Variants in MAP3K9 observed in about 807,000 individuals in gnomAD.
The protein encoded by MAP3K9 is mixed lineage kinase 1 (tyr and ser/thr specificity).
MAP3K9 carries 46 observed loss-of-function variants against 95.8 expected under a neutral mutation model. The ratio of observed to expected loss-of-function variants is 0.48; its 90% confidence interval spans 0.38 to 0.61. MAP3K9 has a LOEUF of 0.61. Among genes scored for constraint, MAP3K9 ranks in the 20% least tolerant of loss-of-function variants. The pLI, the probability that MAP3K9 is intolerant of heterozygous loss-of-function variation, is 0.00. For synonymous variants in MAP3K9, 533 were observed against 593.8 expected (o/e 0.90, Z 1.49); for missense variants, 1,296 against 1,474.3 (o/e 0.88, Z 1.98).
chr14:70,761,423 ATC>A (rs2054373468), intron 2 of MAP3K9, among the ~76,000 whole-genome samples: 1 of 152,218 alleles, frequency 6.6e-6, no homozygotes, highest in Non-Finnish European at 1.5e-5. Context: ...TACTATTGCC[ATC>A]TCAGTTTTAC....
chr14:70,733,243 C>A lies in MAP3K9; in HGVS notation c.2126G>T (p.Gly709Val), dbSNP rs1037286156. Residue 709 changes from glycine to valine, a missense_variant, in exon 11 of 12, where the codon GGC (glycine) becomes GTC (valine). By Grantham distance (109) the Gly-to-Val change is moderately radical (BLOSUM62 -3). Transcript: ENST00000554752. Reference sequence around the variant, plus strand: ...GATTCCATCACTGGAGGGGCCATCGCCATCCTCTCCACGAGGGAATGGGAT... The same window carrying A: ...GATTCCATCACTGGAGGGGCCATCGACATCCTCTCCACGAGGGAATGGGAT... ...LCIPFPRGED[G>V]DGPSSDGIHE... 3.7e-6 allele frequency: 6 copies of A among 1,612,526 alleles called. No individual in the cohort carries two copies. In the African/African-American group the frequency reaches 8.0e-5, roughly 22 times the overall value.
chr14:70,794,088 C>T lies in MAP3K9; in HGVS notation c.820+6579G>A, dbSNP rs746829606. On this transcript the variant is annotated intron_variant, in intron 2 of 11. Coordinates refer to ENST00000554752, the MANE Select transcript of MAP3K9 (RefSeq NM_001284230.2). ...GGTTTGAACTGAGCACAGAAAACTGCGGAAGGGTTGGACAGGCAGAGAGAT... is the reference window on the plus strand; with the variant it reads ...GGTTTGAACTGAGCACAGAAAACTGTGGAAGGGTTGGACAGGCAGAGAGAT... 6.2e-4 allele frequency among the ~76,000 whole-genome samples: 94 copies of T among 152,118 alleles called. 1 individual carries two copies. The highest frequency in any genetic ancestry group is 2.0e-4 in the Admixed American group (3 of 15,268).
At chr14:70,733,690 G>T in intron 10 of MAP3K9, 1 of 717,314 alleles carries the variant, frequency 1.4e-6, no homozygotes, top group Non-Finnish European at 2.6e-6. Context: ...GTTGCTGGGT[G>T]TGTCTGTGAG....
chr14:70,738,941 G>C (rs2054025444), intron 7 of MAP3K9, among the ~76,000 whole-genome samples: 1 of 152,202 alleles, frequency 6.6e-6, no homozygotes, highest in Non-Finnish European at 1.5e-5. Context: ...AGCAAGGGTT[G>C]AGACCCAAAT....
In MAP3K9 at chr14:70,808,779, G is replaced by T; in HGVS notation, c.393C>A (p.Tyr131Ter). The change falls in exon 1 of 12, where the codon TAC (tyrosine) becomes TAA (stop). Residue 131 changes from tyrosine (Y) to a stop codon, truncating the protein, a stop_gained. Coordinates refer to ENST00000554752, the MANE Select transcript of MAP3K9 (RefSeq NM_001284230.2). LOFTEE classifies it high-confidence loss of function. ...CQPGGEDPSC[Y>*]PPIQLLEIDF... ...CCTTCGCCTTACACTGAATGGGCGG[G>T]TAGCAACTGGGGTCCTCGCCGCCGG... The T allele has an allele frequency of 6.3e-7, 1 of 1,575,870 alleles. No individual in the cohort carries two copies. Among genetic ancestry groups the T allele is most frequent in the African/African-American group, 1.4e-5 (1 of 73,306 alleles).
chr14:70,790,848 G>T (rs934091876), intron 2 of MAP3K9, among the ~76,000 whole-genome samples: 7 of 152,298 alleles, frequency 4.6e-5, no homozygotes, highest in African/African-American at 1.7e-4. Context: ...TCACTGCTTT[G>T]TGTGCCATCC....
At chr14:70,735,230 C>T (rs562134811) in intron 9 of MAP3K9, among the ~76,000 whole-genome samples, 1 of 152,202 alleles carries the variant, frequency 6.6e-6, no homozygotes, top group East Asian at 1.9e-4. Flanking sequence ...GGGCACCCTG[C>T]CAACCACTTT....
chr14:70,777,307 C>G (rs955383945), intron 2 of MAP3K9, among the ~76,000 whole-genome samples: 1 of 152,128 alleles, frequency 6.6e-6, no homozygotes, highest in African/African-American at 2.4e-5. Flanking sequence ...GACTCATCCC[C>G]AGAGCAGCAG....
chr14:70,783,401 T>C (rs1351233915), intron 2 of MAP3K9: 6 of 985,318 alleles, frequency 6.1e-6, no homozygotes, highest in South Asian at 4.7e-5. Flanking sequence ...ACTGTCCTTA[T>C]AGAAAGAAGC....
At position 70,809,162 on chromosome 14, in the gene MAP3K9, A is replaced by G; in HGVS notation, c.10T>C (p.Ser4Pro). 7.4e-7 allele frequency: 1 copy of G among 1,357,736 alleles called. No individual in the cohort carries two copies. The highest frequency in any genetic ancestry group is 9.4e-7 in the Non-Finnish European group (1 of 1,063,560). 84.1% of individuals were successfully genotyped at this position (1,357,736 alleles called of 1,614,324 possible). A position where few individuals can be genotyped will look rare whatever the true frequency, so the allele number is the denominator to read the frequency against. MEP[S>P]RALLGCLASA... ...GCTAGGCAGCCGAGAAGCGCTCTGGAGGGCTCCATGGAGCGGCCGATCCAT... is the reference window on the plus strand; with the variant it reads ...GCTAGGCAGCCGAGAAGCGCTCTGGGGGGCTCCATGGAGCGGCCGATCCAT... Residue 4 changes from serine to proline, a missense_variant, in exon 1 of 12, where the codon TCC becomes CCC. By Grantham distance (74) the Ser-to-Pro change is moderately conservative. Around this residue, in one of 5 missense-constraint regions of MAP3K9, gnomAD observed 338 missense variants for 363.4 expected, o/e 0.93. Coordinates refer to ENST00000554752, the MANE Select transcript of MAP3K9 (RefSeq NM_001284230.2).
At chr14:70,785,591 G>C (rs2054736561) in intron 2 of MAP3K9, among the ~76,000 whole-genome samples, 1 of 152,178 alleles carries the variant, frequency 6.6e-6, no homozygotes. Flanking sequence ...AGATGACATA[G>C]GCGAGGTGAC....
chr14:70,750,419 C>G (rs1394100918), intron 3 of MAP3K9, among the ~76,000 whole-genome samples: 1 of 152,198 alleles, frequency 6.6e-6, no homozygotes, highest in Non-Finnish European at 1.5e-5. Context: ...ATTAAATGAG[C>G]TACTATAGTG....
intron 3 of MAP3K9, among the ~76,000 whole-genome samples, chr14:70,758,921 C>T (rs1300896796): frequency 6.6e-6 from 1 of 152,086 alleles, no homozygotes; most frequent in Non-Finnish European, 1.5e-5. Flanking sequence ...CGCCACCACG[C>T]CTAGCTAATT....
chr14:70,772,340 G>A (rs1228650407), intron 2 of MAP3K9, among the ~76,000 whole-genome samples: 1 of 152,184 alleles, frequency 6.6e-6, no homozygotes, highest in African/African-American at 2.4e-5. Flanking sequence ...TGGTATAAAA[G>A]AGGAAACCAA....
At chr14:70,758,433 C>G (rs1420359517) in intron 3 of MAP3K9, among the ~76,000 whole-genome samples, 1 of 152,058 alleles carries the variant, frequency 6.6e-6, no homozygotes, top group East Asian at 1.9e-4. Context: ...TTGGAACATT[C>G]ATACATTGCT....
rs1320029926 is a variant in MAP3K9 at position 70,809,306 on chromosome 14, G to A, written c.-135C>T. 1 of 1,134,680 alleles carries A rather than the reference G, an allele frequency of 8.8e-7. No homozygotes were observed. Among genetic ancestry groups the A allele is most frequent in the Non-Finnish European group, 1.1e-6 (1 of 897,822 alleles). 70.3% of individuals were successfully genotyped at this position (1,134,680 alleles called of 1,614,324 possible). Reference sequence around the variant, plus strand: ...GCCGCAGGTAGGGCCCGGGCTGGCAGGGCTGGGAGAGCCGGCTCGCCGGCG... The same window carrying A: ...GCCGCAGGTAGGGCCCGGGCTGGCAAGGCTGGGAGAGCCGGCTCGCCGGCG... On this transcript the variant is annotated 5_prime_UTR_variant, in exon 1 of 12. Transcript: ENST00000554752.
chr14:70,733,465 T>C (rs2053941990), intron 10 of MAP3K9, 123 bp from the exon 11 acceptor site: 1 of 607,614 alleles, frequency 1.6e-6, no homozygotes, highest in Non-Finnish European at 3.0e-6. Flanking sequence ...AAAGGTTCAA[T>C]GGTGTGATGA....
In MAP3K9 at chr14:70,749,001, C is replaced by G; in HGVS notation, c.1154G>C (p.Cys385Ser). ...TCGTGAGTGGGGATCAGGATTCCAG[C>G]AGTCTGAATAGAACATGTGAATACT... ...PEPFAKLMED[C>S]WNPDPHSRPS... The change falls in exon 5 of 12, where the codon TGC becomes TCC. Residue 385 changes from cysteine (C) to serine (S), a missense_variant. Transcript: ENST00000554752. 2.5e-6 allele frequency: 4 copies of G among 1,613,048 alleles called. No individual in the cohort carries two copies. Among genetic ancestry groups the G allele is most frequent in the Non-Finnish European group, 3.4e-6 (4 of 1,179,500 alleles).
At chr14:70,798,758 G>A (rs1025437708) in intron 2 of MAP3K9, among the ~76,000 whole-genome samples, 3 of 152,098 alleles carry the variant, frequency 2.0e-5, no homozygotes, top group South Asian at 2.1e-4. Context: ...GATTACAGGC[G>A]TGAGCCACCG....
Sources: allele counts gnomAD v4.1 joint callset (sites outside exome capture counted in the v4.1 genomes callset), GRCh38; gene constraint gnomAD v4.1.1; regional missense constraint gnomAD v4.1.1; transcripts MANE v1.5; gene names NCBI Gene and HGNC (gene_info 2026-07-23, HGNC 2026-07-21).